Variants in TSNARE1 observed in about 807,000 individuals in gnomAD.
TSNARE1 encodes t-SNARE domain-containing protein 1.
A neutral mutation model predicts 62.0 loss-of-function variants in TSNARE1; 49 were observed. The observed-to-expected ratio is 0.79, with a 90% CI of 0.63 to 1.00. The LOEUF is 1.00. Among genes scored for constraint, TSNARE1 ranks in the 50% least tolerant of loss-of-function variants. TSNARE1 has a pLI of 0.00. For synonymous variants in TSNARE1, 328 were observed against 294.4 expected (o/e 1.11, Z -1.17); for missense variants, 755 against 700.1 (o/e 1.08, Z -0.88).
At chr8:142,290,834 G>A (rs1823624232) in intron 10 of TSNARE1, among the ~76,000 whole-genome samples, 1 of 152,224 alleles carries the variant, frequency 6.6e-6, no homozygotes, top group Admixed American at 6.5e-5. Context: ...GGTAGCCATG[G>A]CAACAGAGCA....
intron 12 of TSNARE1, among the ~76,000 whole-genome samples, chr8:142,231,857 C>A (rs948929724): frequency 6.6e-6 from 1 of 152,234 alleles, no homozygotes; most frequent in African/African-American, 2.4e-5. Flanking sequence ...TGACTCCACA[C>A]CCTGCCCCAT....
intron 6 of TSNARE1, among the ~76,000 whole-genome samples, chr8:142,322,784 T>C (rs1283757721): frequency 2.0e-5 from 3 of 151,878 alleles, no homozygotes; most frequent in Non-Finnish European, 4.4e-5. Flanking sequence ...TGGATGATAT[T>C]GTTATGAAAG....
In TSNARE1 at chr8:142,334,272, C is replaced by T. The variant is rs146176469; in HGVS notation, c.746-2441G>A. ...CCATGGCTGTGCTGGAGTCTCTGAG[C>T]CTACTCTGGTTCGGGAGGCTGCCCA... On this transcript the variant is annotated intron_variant, in intron 4 of 13. Coordinates refer to ENST00000524325, the MANE Select transcript of TSNARE1 (RefSeq NM_145003.5). Among the ~76,000 whole-genome samples, 20 of 152,334 alleles carry T rather than the reference C, an allele frequency of 1.3e-4. No individual in the cohort carries two copies. The East Asian group carries it at 3.9e-3, about 29-fold the overall frequency.
At chr8:142,255,986 C>T (rs867373726) in intron 12 of TSNARE1, among the ~76,000 whole-genome samples, 39 of 39,688 alleles carry the variant, frequency 9.8e-4, no homozygotes, top group Non-Finnish European at 1.4e-3. Flanking sequence ...ACCACCACCA[C>T]CACCGTCACC....
chr8:142,386,397 A>T lies in TSNARE1; in HGVS notation c.-40+16707T>A, dbSNP rs148334478. Among the ~76,000 whole-genome samples the T allele has an allele frequency of 3.7e-3, 568 of 152,328 alleles. 2 individuals are homozygous for T. Among genetic ancestry groups the T allele is most frequent in the African/African-American group, 0.012 (516 of 41,574 alleles). On this transcript the variant is annotated intron_variant, in intron 1 of 13. Coordinates refer to ENST00000524325, the MANE Select transcript of TSNARE1 (RefSeq NM_145003.5). Reference sequence around the variant, plus strand: ...AAAAGTATAGACTCTCTTCAATATAAGAACTCTTTAAAATTTTTAAAAAGG... The same window carrying T: ...AAAAGTATAGACTCTCTTCAATATATGAACTCTTTAAAATTTTTAAAAAGG...
At chr8:142,348,582 CT>C (rs1232880554) in intron 2 of TSNARE1, among the ~76,000 whole-genome samples, 1 of 133,582 alleles carries the variant, frequency 7.5e-6, no homozygotes, top group East Asian at 2.3e-4. Flanking sequence ...CCACCCTCCC[CT>C]GGCCCCCGCT....
In TSNARE1 at chr8:142,244,637, C is replaced by T. The variant is rs145904863; in HGVS notation, c.1447-15058G>A. On this transcript the variant is annotated intron_variant, in intron 12 of 13. Transcript: ENST00000524325. ...TGATTCTAAAATACGTATGGAAGAG[C>T]GAGGGCCAACGTCCCCAAGACACTC... 3.2e-4 allele frequency among the ~76,000 whole-genome samples: 49 copies of T among 152,288 alleles called. No individual in the cohort carries two copies. In the South Asian group the frequency reaches 7.3e-3, roughly 23 times the overall value.
At chr8:142,273,171 C>G in intron 12 of TSNARE1, 1 of 985,386 alleles carries the variant, frequency 1.0e-6, no homozygotes. Context: ...GTTGCCACTG[C>G]CCTCCTTTCC....
chr8:142,282,243 A>T (rs1821626577), intron 11 of TSNARE1, among the ~76,000 whole-genome samples: 1 of 151,804 alleles, frequency 6.6e-6, no homozygotes, highest in Admixed American at 6.6e-5. Context: ...CATCCATAGC[A>T]GAACCAGAGC....
intron 1 of TSNARE1, among the ~76,000 whole-genome samples, chr8:142,383,188 G>T (rs1319876324): frequency 1.3e-5 from 2 of 152,196 alleles, no homozygotes; most frequent in African/African-American, 4.8e-5. Flanking sequence ...CCTAAGGGAG[G>T]GGAGACAGGA....
At chr8:142,346,606 T>A (rs1182028204) in intron 2 of TSNARE1, among the ~76,000 whole-genome samples, 1 of 152,270 alleles carries the variant, frequency 6.6e-6, no homozygotes, top group African/African-American at 2.4e-5. Flanking sequence ...TGCGCCAGGC[T>A]GAGGCCTCCG....
chr8:142,310,317 T>C (rs531664183), intron 9 of TSNARE1, among the ~76,000 whole-genome samples: 15 of 152,338 alleles, frequency 9.8e-5, no homozygotes, highest in African/African-American at 3.1e-4. Flanking sequence ...TTAACACTAT[T>C]TGCCTCCCCT....
chr8:142,328,091 G>A (rs200906730), intron 6 of TSNARE1, among the ~76,000 whole-genome samples: 4 of 144,576 alleles, frequency 2.8e-5, no homozygotes, highest in Admixed American at 1.4e-4. Context: ...ACTGTGGAAA[G>A]TAAAAAATGT....
intron 13 of TSNARE1, among the ~76,000 whole-genome samples, chr8:142,222,004 TTCAC>T (rs200765719): frequency 0.13 from 5,893 of 44,966 alleles, 289 homozygotes; most frequent in South Asian, 0.29. Context: ...CACTCACTGA[TTCAC>T]TCACTCACTC....
rs774591207 is a variant in TSNARE1, at chr8:142,272,329, C to T, written c.1446+2452G>A. On this transcript the variant is annotated intron_variant, in intron 12 of 13. Transcript: ENST00000524325. Reference sequence around the variant, plus strand: ...TCCTCCATCTACCCATCCACCCGCCCGTCTACACCTTCCTCTTTCCATCCA... The same window carrying T: ...TCCTCCATCTACCCATCCACCCGCCTGTCTACACCTTCCTCTTTCCATCCA... 4.8e-3 allele frequency among the ~76,000 whole-genome samples: 616 copies of T among 127,078 alleles called. 2 individuals are homozygous for T. The highest frequency in any genetic ancestry group is 0.013 in the Middle Eastern group (3 of 240). The allele number at this position is 127,078 out of a possible 152,430, so 83.4% of individuals were successfully genotyped here.
chr8:142,336,770 C>G (rs1319859630), intron 4 of TSNARE1, among the ~76,000 whole-genome samples: 2 of 152,158 alleles, frequency 1.3e-5, no homozygotes, highest in African/African-American at 2.4e-5. Flanking sequence ...TATTTTAGGC[C>G]ATAAAGCAAG....
intron 11 of TSNARE1, 126 bp downstream of exon 11, chr8:142,284,286 AC>A (rs1308523800): frequency 5.6e-6 from 4 of 719,754 alleles, no homozygotes; most frequent in Non-Finnish European, 9.6e-6. Context: ...TCAGACCTGG[AC>A]CCCAGCCTGG....
intron 4 of TSNARE1, 143 bp from the exon 5 acceptor site, chr8:142,331,974 G>A (rs538030499): frequency 8.9e-5 from 66 of 744,646 alleles, no homozygotes; most frequent in African/African-American, 1.7e-4. Context: ...CTGCCTTTGC[G>A]GCTTGGCCAC....
chr8:142,343,768 A>AGAAGAGGAG (rs1832918449), intron 4 of TSNARE1, among the ~76,000 whole-genome samples, 198 bp downstream of exon 4: 1 of 61,028 alleles, frequency 1.6e-5, no homozygotes, highest in Non-Finnish European at 2.6e-5. Context: ...GGAGGAGGGG[A>AGAAGAGGAG]GAAGAGGAGG....
Sources: gnomAD v4.1 joint callset for allele counts (sites outside exome capture counted in the v4.1 genomes callset) on GRCh38, gnomAD v4.1.1 for gene constraint, MANE v1.5 for transcripts, NCBI Gene and HGNC (gene_info 2026-07-23, HGNC 2026-07-21) for gene names.